EXOC6B: variants seen among roughly 807,000 people sequenced by gnomAD.
EXOC6B encodes exocyst complex component 6B, also known as SEC15 homolog B.
A neutral mutation model predicts 113.5 loss-of-function variants in EXOC6B; 54 were observed. The ratio of observed to expected loss-of-function variants is 0.48; its 90% CI spans 0.38 to 0.60. EXOC6B has a LOEUF of 0.60. EXOC6B is among the 20% of genes least tolerant of loss of function. EXOC6B has a pLI of 0.00. For synonymous variants in EXOC6B, 357 were observed against 339.0 expected (o/e 1.05, Z -0.58); for missense variants, 797 against 977.5 (o/e 0.82, Z 2.46).
At chr2:72,305,803 A>G (rs888426608) in intron 20 of EXOC6B, among the ~76,000 whole-genome samples, 1 of 152,210 alleles carries the variant, frequency 6.6e-6, no homozygotes, top group Non-Finnish European at 1.5e-5. Flanking sequence ...ATTTTAGAAA[A>G]CTAATGTCTA....
chr2:72,246,914 G>T (rs539239797), intron 20 of EXOC6B, among the ~76,000 whole-genome samples: 81 of 152,326 alleles, frequency 5.3e-4, no homozygotes, highest in Non-Finnish European at 9.7e-4. Context: ...AGGCAGGGAG[G>T]TGAAAGAGAT....
At chr2:72,321,436 G>A (rs1163588044) in intron 20 of EXOC6B, among the ~76,000 whole-genome samples, 4 of 151,526 alleles carry the variant, frequency 2.6e-5, no homozygotes, top group Admixed American at 2.6e-4. Flanking sequence ...TCGGGAGGCT[G>A]AGGCAGGAGA....
chr2:72,667,790 T>C (rs1274825253), intron 6 of EXOC6B, among the ~76,000 whole-genome samples: 1 of 152,162 alleles, frequency 6.6e-6, no homozygotes, highest in Non-Finnish European at 1.5e-5. Context: ...TTCTAGGAAA[T>C]ACCTTTCTTG....
intron 20 of EXOC6B, among the ~76,000 whole-genome samples, chr2:72,270,112 C>T (rs1684394075): frequency 6.6e-6 from 1 of 152,052 alleles, no homozygotes; most frequent in Non-Finnish European, 1.5e-5. Flanking sequence ...GTATTTTAGG[C>T]TCACAGAAAT....
chr2:72,243,543 T>C (rs1250544790), intron 20 of EXOC6B, among the ~76,000 whole-genome samples: 1 of 151,938 alleles, frequency 6.6e-6, no homozygotes. Flanking sequence ...AATGGAACAA[T>C]GAGAACACCT....
At chr2:72,617,809 C>A (rs958917172) in intron 6 of EXOC6B, among the ~76,000 whole-genome samples, 1 of 152,170 alleles carries the variant, frequency 6.6e-6, no homozygotes, top group South Asian at 2.1e-4. Flanking sequence ...GCCACCGCGC[C>A]CGGCCAAGAC....
chr2:72,466,695 G>A (rs967193378), intron 17 of EXOC6B, among the ~76,000 whole-genome samples: 4 of 152,074 alleles, frequency 2.6e-5, no homozygotes, highest in Admixed American at 6.6e-5. Flanking sequence ...TATTTGTGAC[G>A]TACAACTTGA....
At chr2:72,357,925 A>G (rs148947183) in intron 19 of EXOC6B, among the ~76,000 whole-genome samples, 158 of 152,192 alleles carry the variant, frequency 1.0e-3, no homozygotes, top group African/African-American at 3.5e-3. Flanking sequence ...ACATTCTATG[A>G]TGTTCACACA....
intron 11 of EXOC6B, among the ~76,000 whole-genome samples, chr2:72,510,400 G>A (rs761569869): frequency 6.6e-6 from 1 of 151,362 alleles, no homozygotes; most frequent in African/African-American, 2.4e-5. Context: ...ACATAACCAT[G>A]TGTAAGGACA....
chr2:72,474,816 T>C (rs966934541), intron 17 of EXOC6B, among the ~76,000 whole-genome samples: 9 of 152,220 alleles, frequency 5.9e-5, no homozygotes, highest in African/African-American at 1.9e-4. Context: ...TCATATGTCC[T>C]GGCTTTTTCT....
At chr2:72,326,562 C>A (rs1688139230) in intron 20 of EXOC6B, among the ~76,000 whole-genome samples, 1 of 152,006 alleles carries the variant, frequency 6.6e-6, no homozygotes, top group African/African-American at 2.4e-5. Context: ...GGAATGGAAC[C>A]AATGCCTTCA....
rs990809213 is a variant in EXOC6B at position 72,514,126 on chromosome 2, G to T, written c.1046+508C>A. Among the ~76,000 whole-genome samples, 3 of 152,116 alleles carry T rather than the reference G, an allele frequency of 2.0e-5. No individual in the cohort carries two copies. The East Asian group carries it at 5.8e-4, about 29-fold the overall frequency. ...GCCTATGGGATAAACCTAGCCCACT[G>T]CCTGTTTTTATAAAGATTGTTTTAT... On this transcript the variant is annotated intron_variant, in intron 10 of 21. Transcript: ENST00000272427.
At chr2:72,698,335 A>G (rs1678039348) in intron 6 of EXOC6B, among the ~76,000 whole-genome samples, 1 of 152,226 alleles carries the variant, frequency 6.6e-6, no homozygotes, top group Non-Finnish European at 1.5e-5. Flanking sequence ...ATTTCTGCCT[A>G]ATAGCCCTCA....
chr2:72,746,575 C>G (rs1222507531), intron 1 of EXOC6B, among the ~76,000 whole-genome samples: 2 of 151,978 alleles, frequency 1.3e-5, no homozygotes, highest in Non-Finnish European at 2.9e-5. Context: ...TTCTGTTGAA[C>G]AAATATTTAC....
chr2:72,680,307 A>G (rs1262839574), intron 6 of EXOC6B, among the ~76,000 whole-genome samples: 2 of 152,214 alleles, frequency 1.3e-5, no homozygotes, highest in African/African-American at 4.8e-5. Context: ...TGACAAGTAC[A>G]TTTTTTAACT....
intron 20 of EXOC6B, among the ~76,000 whole-genome samples, chr2:72,224,798 C>CTG (rs34910404): frequency 0.45 from 64,390 of 144,046 alleles, 15,353 homozygotes; most frequent in African/African-American, 0.66. Flanking sequence ...TCCAGCTAAT[C>CTG]TGTGTGTGTG....
At chr2:72,389,782 AT>A (rs1342830337) in intron 18 of EXOC6B, among the ~76,000 whole-genome samples, 1 of 152,120 alleles carries the variant, frequency 6.6e-6, no homozygotes, top group East Asian at 1.9e-4. Context: ...TGTATGTACT[AT>A]GTATTTTTTC....
intron 18 of EXOC6B, among the ~76,000 whole-genome samples, chr2:72,405,727 A>G (rs1376410670): frequency 2.6e-5 from 4 of 152,322 alleles, no homozygotes; most frequent in Non-Finnish European, 5.9e-5. Flanking sequence ...AGGAACAACC[A>G]GTACCAGCCA....
intron 6 of EXOC6B, among the ~76,000 whole-genome samples, chr2:72,624,290 G>C (rs866667797): frequency 1.3e-4 from 19 of 151,936 alleles, no homozygotes; most frequent in African/African-American, 3.9e-4. Flanking sequence ...TAGAGACAGG[G>C]GTTTTGCTAT....
Sources: allele counts gnomAD v4.1 joint callset (sites outside exome capture counted in the v4.1 genomes callset), GRCh38; gene constraint gnomAD v4.1.1; transcripts MANE v1.5; gene names NCBI Gene and HGNC (gene_info 2026-07-23, HGNC 2026-07-21).